The following ALG14 variants were observed in gnomAD, a reference collection of about 807,000 sequenced individuals.
ALG14 encodes UDP-N-acetylglucosamine transferase subunit ALG14.
In ALG14, 17 loss-of-function variants were observed where a neutral mutation model predicts 22.8. The observed-to-expected ratio is 0.75, with a 90% CI of 0.51 to 1.12. The LOEUF (loss-of-function observed/expected upper bound fraction) is 1.12, where lower values mean the gene tolerates loss of function less well. Among genes scored for constraint, ALG14 ranks in the 50% most tolerant of loss-of-function variants. The pLI is 0.00. For missense variants in ALG14, 288 were observed against 271.8 expected (o/e 1.06, Z -0.42); for synonymous variants, 89 against 103.7 (o/e 0.86, Z 0.86).
chr1:95,002,876 G>A (rs1673104574), intron 3 of ALG14, among the ~76,000 whole-genome samples: 1 of 152,152 alleles, frequency 6.6e-6, no homozygotes, highest in South Asian at 2.1e-4. Flanking sequence ...TGCCTTCCAC[G>A]AAGTGTTTTT....
intron 2 of ALG14, among the ~76,000 whole-genome samples, chr1:95,043,383 C>T (rs1674443371): frequency 6.6e-6 from 1 of 152,100 alleles, no homozygotes; most frequent in Admixed American, 6.5e-5. Flanking sequence ...GGATAAAGGC[C>T]AGGGATGCTG....
chr1:95,013,151 G>A (rs1673413877), intron 3 of ALG14, among the ~76,000 whole-genome samples: 1 of 149,620 alleles, frequency 6.7e-6, no homozygotes, highest in Admixed American at 6.7e-5. Flanking sequence ...AAAAAACCCA[G>A]AAGAATCTTT....
chr1:95,069,829 C>T (rs1168330088), intron 1 of ALG14, among the ~76,000 whole-genome samples: 1 of 152,142 alleles, frequency 6.6e-6, no homozygotes, highest in African/African-American at 2.4e-5. Flanking sequence ...AACTCCTTCT[C>T]CCAAAAGCTG....
intron 2 of ALG14, among the ~76,000 whole-genome samples, chr1:95,058,879 T>A (rs888940791): frequency 6.6e-6 from 1 of 151,974 alleles, no homozygotes; most frequent in Non-Finnish European, 1.5e-5. Flanking sequence ...CTACAGTTTT[T>A]AAAATTTTAT....
At chr1:95,007,667 G>A (rs1472772625) in intron 3 of ALG14, among the ~76,000 whole-genome samples, 1 of 152,210 alleles carries the variant, frequency 6.6e-6, no homozygotes, top group Non-Finnish European at 1.5e-5. Flanking sequence ...TCTCATTCTA[G>A]ATGCTAGGGG....
At position 94,983,038 on chromosome 1, in the gene ALG14, G is replaced by T; in HGVS notation, c.*38C>A. On this transcript the variant is annotated 3_prime_UTR_variant, in exon 4 of 4. Transcript: ENST00000370205. ...CCCCCCAATTTGAGTACATACTACT[G>T]TTAACTGCAAAATTCTAAAGAAGTC... is the stretch of plus-strand genomic sequence containing the variant. 6.3e-7 allele frequency: 1 copy of T among 1,589,350 alleles called. No individual in the cohort carries two copies. The highest frequency in any genetic ancestry group is 8.6e-7 in the Non-Finnish European group (1 of 1,157,938).
At position 95,013,527 on chromosome 1, in the gene ALG14, G is replaced by T. The variant is rs35056312; in HGVS notation, c.420+13602C>A. ...GTAGAGATGGGGTTTCACCATATTG[G>T]CCAGGCTGGTCTCAAACTCCTGACC... On this transcript the variant is annotated intron_variant, in intron 3 of 3. Transcript: ENST00000370205. Among the ~76,000 whole-genome samples, 1,001 of 152,104 alleles carry T rather than the reference G, an allele frequency of 6.6e-3. 3 individuals are homozygous for T. The highest frequency in any genetic ancestry group is 0.011 in the Non-Finnish European group (738 of 67,976).
At chr1:95,053,789 C>A (rs1674833529) in intron 2 of ALG14, among the ~76,000 whole-genome samples, 1 of 152,194 alleles carries the variant, frequency 6.6e-6, no homozygotes, top group Admixed American at 6.5e-5. Context: ...TAGAAGATGA[C>A]TTGAACAATG....
At position 95,030,783 on chromosome 1, in the gene ALG14, C is replaced by T. The variant is rs115785684; in HGVS notation, c.289-3523G>A. ...CCTAGACCTGGACGTGGAAGAAAGT[C>T]TACATCTCATCCCTGGCAGCAGCCT... On this transcript the variant is annotated intron_variant, in intron 2 of 3. Transcript: ENST00000370205. Among the ~76,000 whole-genome samples, 575 of 152,252 alleles carry T rather than the reference C, an allele frequency of 3.8e-3. 7 individuals are homozygous for T. The highest frequency in any genetic ancestry group is 0.013 in the African/African-American group (560 of 41,548).
intron 2 of ALG14, among the ~76,000 whole-genome samples, chr1:95,032,189 T>A (rs190072446): frequency 0.041 from 6,255 of 151,620 alleles, 172 homozygotes; most frequent in Admixed American, 0.066. Context: ...AAAAAAAAAA[T>A]TTTATTGAAT....
chr1:95,051,528 T>G (rs1674749576), intron 2 of ALG14, among the ~76,000 whole-genome samples: 1 of 152,130 alleles, frequency 6.6e-6, no homozygotes, highest in South Asian at 2.1e-4. Flanking sequence ...GTCCCTCCTC[T>G]ACCTAAAGCC....
intron 2 of ALG14, among the ~76,000 whole-genome samples, chr1:95,044,195 C>A (rs567821473): frequency 7.9e-5 from 12 of 152,280 alleles, no homozygotes; most frequent in African/African-American, 2.4e-4. Context: ...TCCTGGCCCT[C>A]CTGATGCAAG....
In ALG14 at chr1:94,977,420, G is replaced by C. The variant is rs1028202511; in HGVS notation, c.*5656C>G. 59 of 152,078 alleles carry C rather than the reference G, an allele frequency of 3.9e-4. No individual in the cohort carries two copies. Among genetic ancestry groups the C allele is most frequent in the African/African-American group, 1.4e-3 (57 of 41,392 alleles). The allele number at this position is 152,078 out of a possible 1,614,324, so 9.4% of individuals were successfully genotyped here. On this transcript the variant is annotated 3_prime_UTR_variant, in exon 4 of 4. Coordinates refer to ENST00000370205, the MANE Select transcript of ALG14 (RefSeq NM_144988.4). ...GGGGAGTCTTCAAGACGTTTTTAGG[G>C]GTTTATGAGGTCAAAACTATTTTCA...
At chr1:95,014,700 T>C (rs539233390) in intron 3 of ALG14, among the ~76,000 whole-genome samples, 2 of 152,206 alleles carry the variant, frequency 1.3e-5, no homozygotes, top group African/African-American at 4.8e-5. Context: ...ACAAATTGAT[T>C]TATAAATAAT....
chr1:95,058,691 CA>C (rs11422775), intron 2 of ALG14, among the ~76,000 whole-genome samples: 6,945 of 135,586 alleles, frequency 0.051, 199 homozygotes, highest in South Asian at 0.095. Flanking sequence ...TAACCTTTCT[CA>C]AAAAAAAAAA....
At chr1:95,055,021 T>C (rs764739058) in intron 2 of ALG14, among the ~76,000 whole-genome samples, 2 of 152,186 alleles carry the variant, frequency 1.3e-5, no homozygotes, top group Non-Finnish European at 2.9e-5. Context: ...TACTTGGCCA[T>C]ATAAACAAAT....
At chr1:95,052,866 A>G (rs1208104707) in intron 2 of ALG14, among the ~76,000 whole-genome samples, 1 of 152,098 alleles carries the variant, frequency 6.6e-6, no homozygotes, top group Non-Finnish European at 1.5e-5. Flanking sequence ...CGAAAAAAAA[A>G]AAAAAAAAGA....
chr1:94,984,250 G>A (rs1416412524), intron 3 of ALG14, among the ~76,000 whole-genome samples: 1 of 152,108 alleles, frequency 6.6e-6, no homozygotes, highest in Admixed American at 6.5e-5. Flanking sequence ...TATCTATTGG[G>A]CATGCTCTAT....
intron 2 of ALG14, among the ~76,000 whole-genome samples, chr1:95,059,493 T>C (rs1374415603): frequency 1.3e-5 from 2 of 151,946 alleles, no homozygotes; most frequent in African/African-American, 4.8e-5. Flanking sequence ...AGTTATTTTC[T>C]TTTTTTCTTC....
Sources: gnomAD v4.1 joint callset for allele counts (sites outside exome capture counted in the v4.1 genomes callset) on GRCh38, gnomAD v4.1.1 for gene constraint, MANE v1.5 for transcripts, NCBI Gene and HGNC (gene_info 2026-07-23, HGNC 2026-07-21) for gene names.